The following PLXDC2 variants were observed in gnomAD, a reference collection of about 807,000 sequenced individuals.
The protein encoded by PLXDC2 is plexin domain containing 2.
In PLXDC2, 40 loss-of-function variants were observed where a neutral mutation model predicts 68.9. That is an observed-to-expected ratio of 0.58 (90% CI 0.45 to 0.76). The LOEUF is 0.76. Ranked by LOEUF, PLXDC2 falls within the 30% of genes least tolerant of loss-of-function variation. The pLI, the probability that PLXDC2 is intolerant of heterozygous loss-of-function variation, is 0.00. For synonymous variants in PLXDC2, 243 were observed against 234.2 expected, an observed-to-expected ratio of 1.04 and a Z score of -0.34; for missense variants, 644 against 661.9, an observed-to-expected ratio of 0.97 and a Z score of 0.30.
rs575099025 is a variant in PLXDC2, at chr10:20,069,210, G to C, written c.541+971G>C. Among the ~76,000 whole-genome samples the C allele has an allele frequency of 5.9e-5, 9 of 152,284 alleles. No homozygotes were observed. The South Asian group carries it at 1.5e-3, about 25-fold the overall frequency. On this transcript the variant is annotated intron_variant, in intron 4 of 13. Coordinates refer to ENST00000377252, the MANE Select transcript of PLXDC2 (RefSeq NM_032812.9). ...CCTAGAAGATATTTAGGATTCAGAA[G>C]AAGATTTGTAATCAGAAATATCAAC...
intron 4 of PLXDC2, among the ~76,000 whole-genome samples, chr10:20,085,822 T>G (rs926370071): frequency 6.6e-6 from 1 of 152,208 alleles, no homozygotes; most frequent in Admixed American, 6.5e-5. Flanking sequence ...ACTGCCTTTA[T>G]ATAACATCTG....
At chr10:20,223,360 T>C (rs1835242533) in intron 12 of PLXDC2, among the ~76,000 whole-genome samples, 1 of 146,826 alleles carries the variant, frequency 6.8e-6, no homozygotes. Context: ...TCCCCCCGGC[T>C]GGAGTGCAGT....
At chr10:20,260,112 A>G (rs909440452) in intron 13 of PLXDC2, among the ~76,000 whole-genome samples, 1 of 151,984 alleles carries the variant, frequency 6.6e-6, no homozygotes, top group African/African-American at 2.4e-5. Flanking sequence ...CATTTTTGAT[A>G]TACATATATA....
chr10:19,871,752 G>A (rs553007952), intron 1 of PLXDC2, among the ~76,000 whole-genome samples: 1 of 151,958 alleles, frequency 6.6e-6, no homozygotes, highest in Non-Finnish European at 1.5e-5. Context: ...CTGGTGTGGT[G>A]GTGGGTGCCT....
intron 6 of PLXDC2, among the ~76,000 whole-genome samples, chr10:20,156,882 G>C (rs1053674286): frequency 3.3e-5 from 5 of 152,180 alleles, no homozygotes; most frequent in Non-Finnish European, 7.3e-5. Context: ...TTCAAGTGTA[G>C]TTTACAGACA....
chr10:19,982,001 G>A (rs944671569), intron 1 of PLXDC2, among the ~76,000 whole-genome samples: 3 of 152,168 alleles, frequency 2.0e-5, no homozygotes, highest in Non-Finnish European at 4.4e-5. Flanking sequence ...AACACCCACA[G>A]CCCTTTGACA....
intron 7 of PLXDC2, among the ~76,000 whole-genome samples, chr10:20,176,276 C>T (rs986103485): frequency 4.0e-5 from 6 of 151,836 alleles, no homozygotes; most frequent in African/African-American, 1.5e-4. Context: ...ATATGATTGA[C>T]AAATAAAAAT....
chr10:20,175,754 C>A (rs897144061), intron 7 of PLXDC2, among the ~76,000 whole-genome samples: 1 of 152,114 alleles, frequency 6.6e-6, no homozygotes, highest in Non-Finnish European at 1.5e-5. Flanking sequence ...ATCGCTTGAG[C>A]CCAGGATGTC....
intron 6 of PLXDC2, among the ~76,000 whole-genome samples, chr10:20,159,262 A>T (rs1418082026): frequency 6.6e-6 from 1 of 152,178 alleles, no homozygotes. Flanking sequence ...CTGGAGTTGT[A>T]CAACCTATAA....
At chr10:20,097,629 C>T (rs879433833) in intron 4 of PLXDC2, among the ~76,000 whole-genome samples, 3 of 151,696 alleles carry the variant, frequency 2.0e-5, no homozygotes, top group South Asian at 4.2e-4. Flanking sequence ...AATCAAAACC[C>T]GGTAAGATAT....
At chr10:19,891,862 G>A (rs1837969786) in intron 1 of PLXDC2, among the ~76,000 whole-genome samples, 1 of 152,080 alleles carries the variant, frequency 6.6e-6, no homozygotes, top group Non-Finnish European at 1.5e-5. Context: ...TTGCTTCTTT[G>A]ATTGAAAAAA....
At chr10:19,945,381 A>C (rs567023021) in intron 1 of PLXDC2, among the ~76,000 whole-genome samples, 82 of 152,234 alleles carry the variant, frequency 5.4e-4, no homozygotes, top group African/African-American at 1.9e-3. Context: ...TAGCAGACCA[A>C]AGTCATGCAG....
chr10:20,184,080 A>G (rs1469245930), intron 9 of PLXDC2, among the ~76,000 whole-genome samples: 1 of 151,950 alleles, frequency 6.6e-6, no homozygotes, highest in Non-Finnish European at 1.5e-5. Flanking sequence ...TATTTACAGA[A>G]TAGTAGTATC....
intron 3 of PLXDC2, among the ~76,000 whole-genome samples, chr10:20,058,509 A>G (rs1836041337): frequency 6.6e-6 from 1 of 152,186 alleles, no homozygotes; most frequent in Non-Finnish European, 1.5e-5. Flanking sequence ...CATTTATACA[A>G]TGCTTAAAGC....
intron 4 of PLXDC2, among the ~76,000 whole-genome samples, chr10:20,069,994 C>T (rs11817675): frequency 0.23 from 35,399 of 151,678 alleles, 6,037 homozygotes; most frequent in East Asian, 0.6. Flanking sequence ...AGAATTTCTA[C>T]GGTTGTGTAG....
At chr10:20,038,767 A>G (rs967939401) in intron 2 of PLXDC2, among the ~76,000 whole-genome samples, 1 of 152,186 alleles carries the variant, frequency 6.6e-6, no homozygotes. Flanking sequence ...TTTGATTAAA[A>G]AAATTAATGT....
chr10:20,247,205 A>T (rs1039250831), intron 13 of PLXDC2, among the ~76,000 whole-genome samples: 6 of 151,486 alleles, frequency 4.0e-5, no homozygotes, highest in Non-Finnish European at 8.8e-5. Context: ...CACATCTGTA[A>T]TCCCAGCACT....
intron 10 of PLXDC2, among the ~76,000 whole-genome samples, chr10:20,212,792 G>C (rs1005517210): frequency 5.3e-5 from 8 of 152,210 alleles, no homozygotes; most frequent in Admixed American, 3.9e-4. Context: ...GGGAATGACA[G>C]CAGTGTGTGC....
intron 2 of PLXDC2, among the ~76,000 whole-genome samples, chr10:20,032,359 G>A (rs61841772): frequency 0.068 from 10,347 of 152,208 alleles, 518 homozygotes; most frequent in Middle Eastern, 0.092. Context: ...TGGAGAGATG[G>A]TTGTGTCAAG....
Sources: allele counts gnomAD v4.1 joint callset (sites outside exome capture counted in the v4.1 genomes callset), GRCh38; gene constraint gnomAD v4.1.1; transcripts MANE v1.5; gene names NCBI Gene and HGNC (gene_info 2026-07-23, HGNC 2026-07-21).